Variants in LRRC4C observed in about 807,000 individuals in gnomAD.
LRRC4C encodes leucine-rich repeat-containing protein 4C.
Under a neutral mutation model 33.6 loss-of-function variants are expected in LRRC4C, and 5 were observed. That is an observed-to-expected ratio of 0.15 (90% confidence interval 0.08 to 0.31). The LOEUF is 0.31. Ranked by LOEUF, LRRC4C falls within the 10% of genes least tolerant of loss-of-function variation. The pLI is 1.00. For synonymous variants in LRRC4C, 329 were observed against 302.0 expected (o/e 1.09, Z -0.93); for missense variants, 560 against 796.7 (o/e 0.70, Z 3.58).
chr11:40,760,483 G>A (rs1206821826), intron 2 of LRRC4C, among the ~76,000 whole-genome samples: 1 of 150,684 alleles, frequency 6.6e-6, no homozygotes, highest in African/African-American at 2.4e-5. Flanking sequence ...ATAAATTTTT[G>A]CAAAATAATT....
At chr11:41,411,140 CTATTT>C (rs1156622320) in intron 1 of LRRC4C, among the ~76,000 whole-genome samples, 5 of 49,918 alleles carry the variant, frequency 1.0e-4, no homozygotes, top group Non-Finnish European at 1.3e-4. Context: ...GGTTGGTACC[CTATTT>C]TTTTTTTTTT....
At chr11:40,458,860 T>C (rs1055533389) in intron 3 of LRRC4C, among the ~76,000 whole-genome samples, 3 of 152,130 alleles carry the variant, frequency 2.0e-5, no homozygotes, top group African/African-American at 7.2e-5. Context: ...TTTTCCTAGG[T>C]TTTTTATTTG....
intron 3 of LRRC4C, among the ~76,000 whole-genome samples, chr11:40,568,743 T>C (rs925098690): frequency 6.6e-6 from 1 of 152,136 alleles, no homozygotes; most frequent in Non-Finnish European, 1.5e-5. Context: ...TCTATCAGTG[T>C]GTATTGTACA....
chr11:40,762,103 T>G (rs1333180912), intron 2 of LRRC4C, among the ~76,000 whole-genome samples: 5 of 152,148 alleles, frequency 3.3e-5, no homozygotes, highest in Non-Finnish European at 7.4e-5. Context: ...AATTGGCTAT[T>G]TTTTCTGCAG....
intron 3 of LRRC4C, among the ~76,000 whole-genome samples, chr11:40,462,860 C>G (rs568255390): frequency 1.3e-5 from 2 of 151,958 alleles, no homozygotes; most frequent in South Asian, 4.2e-4. Context: ...AGGTTTTATC[C>G]TAAAGAACCT....
chr11:40,295,570 C>T (rs1590934494), intron 4 of LRRC4C, among the ~76,000 whole-genome samples: 2 of 152,204 alleles, frequency 1.3e-5, no homozygotes, highest in South Asian at 4.2e-4. Context: ...CTCTTCTGTT[C>T]CCATTATACT....
chr11:41,076,964 C>T (rs1472769909), intron 1 of LRRC4C, among the ~76,000 whole-genome samples: 1 of 152,116 alleles, frequency 6.6e-6, no homozygotes, highest in Non-Finnish European at 1.5e-5. Context: ...GGTCACAGGC[C>T]CAATGCAAGT....
At chr11:41,039,411 T>C (rs188424525) in intron 1 of LRRC4C, among the ~76,000 whole-genome samples, 1 of 152,292 alleles carries the variant, frequency 6.6e-6, no homozygotes, top group African/African-American at 2.4e-5. Context: ...CCCTCGCACA[T>C]TTTACAGAGC....
rs115664200 is a variant in LRRC4C at position 40,420,360 on chromosome 11, C to T, written c.-269-100639G>A. ...CTGACAGCCAACTTTGTCTCAAGAA[C>T]TCCCTGACAGCCTTGCTGAATCTTT... On this transcript the variant is annotated intron_variant, in intron 3 of 6. Transcript: ENST00000528697. Among the ~76,000 whole-genome samples, 1,147 of 152,312 alleles carry T rather than the reference C, an allele frequency of 7.5e-3. 14 individuals carry two copies. Among genetic ancestry groups the T allele is most frequent in the African/African-American group, 0.026 (1,072 of 41,570 alleles).
chr11:41,390,465 G>A (rs1186049631), intron 1 of LRRC4C, among the ~76,000 whole-genome samples: 1 of 151,780 alleles, frequency 6.6e-6, no homozygotes, highest in Non-Finnish European at 1.5e-5. Flanking sequence ...CTGCCCTTAG[G>A]ATGATTTTCT....
At chr11:40,248,390 G>A (rs2136154686) in intron 4 of LRRC4C, among the ~76,000 whole-genome samples, 1 of 152,284 alleles carries the variant, frequency 6.6e-6, no homozygotes, top group East Asian at 1.9e-4. Flanking sequence ...GCTGCCTTGT[G>A]TGTTGTAGAA....
In LRRC4C at chr11:40,349,824, T is replaced by G. The variant is rs181167468; in HGVS notation, c.-269-30103A>C. Among the ~76,000 whole-genome samples, 508 of 152,298 alleles carry G rather than the reference T, an allele frequency of 3.3e-3. 4 individuals are homozygous for G. Among genetic ancestry groups the G allele is most frequent in the African/African-American group, 0.011 (468 of 41,578 alleles). Reference sequence around the variant, plus strand: ...CGATTTGCATTTCTCTGATGATCAATGATGTTAAGGACTTTTTTATACACT... The same window carrying G: ...CGATTTGCATTTCTCTGATGATCAAGGATGTTAAGGACTTTTTTATACACT... On this transcript the variant is annotated intron_variant, in intron 3 of 6. Coordinates refer to ENST00000528697, the MANE Select transcript of LRRC4C (RefSeq NM_001258419.2).
chr11:40,237,505 C>A (rs143709442), intron 5 of LRRC4C, among the ~76,000 whole-genome samples: 1 of 152,076 alleles, frequency 6.6e-6, no homozygotes, highest in South Asian at 2.1e-4. Context: ...GACAAGGTCG[C>A]GGTATGGATT....
At chr11:40,891,850 C>T (rs554917081) in intron 2 of LRRC4C, among the ~76,000 whole-genome samples, 12 of 152,088 alleles carry the variant, frequency 7.9e-5, no homozygotes, top group Admixed American at 4.6e-4. Context: ...AGAAGTTCTT[C>T]GGGGGCTGGG....
At chr11:40,889,124 T>G (rs925615439) in intron 2 of LRRC4C, among the ~76,000 whole-genome samples, 1 of 152,038 alleles carries the variant, frequency 6.6e-6, no homozygotes, top group Non-Finnish European at 1.5e-5. Context: ...CCCCAAGATT[T>G]TATTAAAAGC....
rs71060975 is a variant in LRRC4C at position 40,635,628 on chromosome 11, A to ATTTT, written c.-270+12510_-270+12513dup. ...ACTCCAGAAATTGAAAAAGAACCAA[A>ATTTT]TTTTTTTTTTTTTTTTTTTTTTTTT... On this transcript the variant is annotated intron_variant, in intron 3 of 6. Transcript: ENST00000528697. Among the ~76,000 whole-genome samples, 176 of 92,216 alleles carry ATTTT rather than the reference A, an allele frequency of 1.9e-3. 9 individuals are homozygous for ATTTT. Among genetic ancestry groups the ATTTT allele is most frequent in the African/African-American group, 6.5e-3 (162 of 24,792 alleles). The allele number at this position is 92,216 out of a possible 152,430, so 60.5% of individuals were successfully genotyped here. A position where few individuals can be genotyped will look rare whatever the true frequency, so the allele number is the denominator to read the frequency against.
At chr11:40,715,031 ACACACT>A (rs1266766877) in intron 2 of LRRC4C, among the ~76,000 whole-genome samples, 1 of 152,216 alleles carries the variant, frequency 6.6e-6, no homozygotes, top group Non-Finnish European at 1.5e-5. Context: ...TGTATTACCA[ACACACT>A]CATAGACATG....
chr11:41,317,080 C>T (rs1382402490), intron 1 of LRRC4C, among the ~76,000 whole-genome samples: 1 of 152,212 alleles, frequency 6.6e-6, no homozygotes, highest in Non-Finnish European at 1.5e-5. Context: ...CAGCTCACTG[C>T]CCTCCTAATA....
intron 1 of LRRC4C, among the ~76,000 whole-genome samples, chr11:41,351,080 A>G (rs1188917557): frequency 6.6e-6 from 1 of 152,098 alleles, no homozygotes; most frequent in Non-Finnish European, 1.5e-5. Context: ...AAATTTTTTA[A>G]AAATTAGCCA....
Sources: allele counts gnomAD v4.1 joint callset (sites outside exome capture counted in the v4.1 genomes callset), GRCh38; gene constraint gnomAD v4.1.1; transcripts MANE v1.5; gene names NCBI Gene and HGNC (gene_info 2026-07-23, HGNC 2026-07-21).